The following CCDC141 variants were observed in gnomAD, a reference collection of about 807,000 sequenced individuals.
CCDC141 encodes the protein coiled-coil domain containing 141.
A neutral mutation model predicts 181.0 loss-of-function variants in CCDC141; 168 were observed. The observed-to-expected ratio is 0.93, with a 90% confidence interval of 0.82 to 1.05. The LOEUF is 1.05. CCDC141 is among the 50% of genes least tolerant of loss of function. The pLI, the probability that CCDC141 is intolerant of heterozygous loss-of-function variation, is 0.00. For synonymous variants in CCDC141, 666 were observed against 642.3 expected, an observed-to-expected ratio of 1.04 and a Z score of -0.56; for missense variants, 1,902 against 1,788.5, an observed-to-expected ratio of 1.06 and a Z score of -1.14.
chr2:179,029,900 CT>C (rs2042955263), intron 2 of CCDC141, among the ~76,000 whole-genome samples: 3 of 152,052 alleles, frequency 2.0e-5, no homozygotes, highest in Admixed American at 2.0e-4. Context: ...AATTTTTTGT[CT>C]TTCTAATCTT....
At chr2:178,884,239 GA>G (rs59431193) in intron 11 of CCDC141, among the ~76,000 whole-genome samples, 1,544 of 113,610 alleles carry the variant, frequency 0.014, 19 homozygotes, top group African/African-American at 0.038. Flanking sequence ...ATAATGTGAA[GA>G]AAAAAAAAAA....
At chr2:178,886,646 G>A (rs978192106) in intron 10 of CCDC141, 106 bp downstream of exon 10, 3 of 701,028 alleles carry the variant, frequency 4.3e-6, no homozygotes, top group Non-Finnish European at 6.8e-6. Flanking sequence ...TATGAATTTA[G>A]AATTGTAAAC....
At chr2:178,906,554 TTCCATACCAATCTGGAAAATAG>T (rs1466763205) in intron 7 of CCDC141, among the ~76,000 whole-genome samples, 2 of 152,182 alleles carry the variant, frequency 1.3e-5, no homozygotes, top group Admixed American at 6.5e-5. Context: ...TTATGGAATG[TTCCATACCAATCTGGAAAATAG>T]TCCTAACACA....
chr2:179,031,782 A>G (rs143252549), intron 2 of CCDC141, among the ~76,000 whole-genome samples: 9 of 152,228 alleles, frequency 5.9e-5, no homozygotes, highest in Admixed American at 1.3e-4. Flanking sequence ...TTAATAGCCT[A>G]TGGTATCACT....
downstream of CCDC141, among the ~76,000 whole-genome samples, chr2:178,828,351 C>T (rs559742647): frequency 6.6e-6 from 1 of 152,194 alleles, no homozygotes; most frequent in South Asian, 2.1e-4. Flanking sequence ...CAGTCACCAC[C>T]CCTAAGTGGA....
At chr2:178,911,213 G>A (rs377462781) in intron 7 of CCDC141, among the ~76,000 whole-genome samples, 2 of 152,314 alleles carry the variant, frequency 1.3e-5, no homozygotes, top group Middle Eastern at 6.8e-3. Context: ...ATGAACAAAA[G>A]CATTACATCA....
At chr2:179,042,605 G>A (rs1333092343) in intron 2 of CCDC141, among the ~76,000 whole-genome samples, 2 of 152,118 alleles carry the variant, frequency 1.3e-5, no homozygotes, top group Admixed American at 6.5e-5. Context: ...ACCTTGGCCT[G>A]CCAAAGTGCT....
intron 2 of CCDC141, among the ~76,000 whole-genome samples, chr2:179,003,675 A>G (rs2042046932): frequency 6.6e-6 from 1 of 152,202 alleles, no homozygotes; most frequent in Non-Finnish European, 1.5e-5. Context: ...AGTGGACACC[A>G]TACCCACAAG....
intron 5 of CCDC141, among the ~76,000 whole-genome samples, chr2:178,946,915 A>G (rs1295419417): frequency 6.6e-6 from 1 of 152,218 alleles, no homozygotes; most frequent in Non-Finnish European, 1.5e-5. Context: ...CTCTAGATCT[A>G]CAAATTTTTA....
chr2:178,921,562 G>GT (rs199857196), intron 6 of CCDC141, among the ~76,000 whole-genome samples: 4,804 of 149,932 alleles, frequency 0.032, 277 homozygotes, highest in South Asian at 0.19. Flanking sequence ...GTTTGTTTTT[G>GT]TTTTTTTTTA....
At chr2:179,008,563 C>T (rs2042175959) in intron 2 of CCDC141, among the ~76,000 whole-genome samples, 1 of 152,116 alleles carries the variant, frequency 6.6e-6, no homozygotes, top group African/African-American at 2.4e-5. Flanking sequence ...ATCCCCAGGT[C>T]CCACTTCAGA....
At chr2:178,821,789 G>T in the CCDC141 span, among the ~76,000 whole-genome samples, 1 of 151,898 alleles carries the variant, frequency 6.6e-6, no homozygotes, top group African/African-American at 2.4e-5. Context: ...GGAGAAATAG[G>T]AACACTTTTA....
At chr2:178,985,627 A>C in intron 2 of CCDC141, among the ~76,000 whole-genome samples, 1 of 152,112 alleles carries the variant, frequency 6.6e-6, no homozygotes, top group Non-Finnish European at 1.5e-5. Context: ...AAAAATGATA[A>C]AGGGGATATC....
chr2:179,046,475 T>C (rs2043501675), intron 2 of CCDC141, among the ~76,000 whole-genome samples: 1 of 152,224 alleles, frequency 6.6e-6, no homozygotes, highest in African/African-American at 2.4e-5. Context: ...CCACCTCTTA[T>C]AGCTGGAGCT....
Position 178,987,131 on chromosome 2 carries a change from T to G in CCDC141, c.226-8456A>C, listed in dbSNP as rs1277766560. Among the ~76,000 whole-genome samples the G allele has an allele frequency of 1.7e-5, 2 of 118,424 alleles. 1 individual carries two copies. Among genetic ancestry groups the G allele is most frequent in the Non-Finnish European group, 3.5e-5 (2 of 57,706 alleles). 77.7% of individuals were successfully genotyped at this position (118,424 alleles called of 152,430 possible). On this transcript the variant is annotated intron_variant, in intron 2 of 23. Transcript: ENST00000443758. Reference sequence around the variant, plus strand: ...GTACCAAAACAGAGATATAGATCAATGGAACAGAACACAGCCCTCAGAAAT... The same window carrying G: ...GTACCAAAACAGAGATATAGATCAAGGGAACAGAACACAGCCCTCAGAAAT...
intron 7 of CCDC141, among the ~76,000 whole-genome samples, chr2:178,909,424 A>G (rs1688123322): frequency 6.6e-6 from 1 of 152,336 alleles, no homozygotes; most frequent in South Asian, 2.1e-4. Flanking sequence ...TAGAATACCT[A>G]TTGGTACGAT....
chr2:178,893,033 T>C (rs1687230192), intron 8 of CCDC141, among the ~76,000 whole-genome samples: 1 of 152,142 alleles, frequency 6.6e-6, no homozygotes, highest in African/African-American at 2.4e-5. Flanking sequence ...AAGAATGGAT[T>C]AGAGGATGCC....
At chr2:178,981,650 A>ATATATATATATATATATATATATG (rs377733700) in intron 2 of CCDC141, among the ~76,000 whole-genome samples, 2 of 127,322 alleles carry the variant, frequency 1.6e-5, no homozygotes, top group Admixed American at 8.3e-5. Flanking sequence ...ATATATATAT[A>ATATATATATATATATATATATATG]TATATATACA....
rs185359644 is a variant in CCDC141 at position 178,868,117 on chromosome 2, C to T, written c.2483G>A (p.Arg828Gln). The change falls in exon 16 of 24, where the codon CGG (arginine) becomes CAG (glutamine). Residue 828 changes from arginine (R) to glutamine (Q), a missense_variant. Arg to Gln is a conservative substitution (Grantham distance 43). Transcript: ENST00000443758. ...ACGGGCTTGCTTTTCCTGAGAGCAC[C>T]GGAGGTGAATCTGCACATCATGGGC... Reference protein sequence around the residue: ...GDAHDVQIHLRCSQEKQARVD... With the variant: ...GDAHDVQIHLQCSQEKQARVD... 51 of 1,613,978 alleles carry T rather than the reference C, an allele frequency of 3.2e-5. No homozygotes were observed. In the Middle Eastern group the frequency reaches 5.0e-4, roughly 16 times the overall value.
Sources: gnomAD v4.1 joint callset for allele counts (sites outside exome capture counted in the v4.1 genomes callset) on GRCh38, gnomAD v4.1.1 for gene constraint, MANE v1.5 for transcripts, NCBI Gene and HGNC (gene_info 2026-07-23, HGNC 2026-07-21) for gene names.